Variants in CACNA1E observed in about 807,000 individuals in gnomAD.
CACNA1E encodes voltage-dependent R-type calcium channel subunit alpha-1E.
Under a neutral mutation model 259.2 loss-of-function variants are expected in CACNA1E, and 40 were observed. The ratio of observed to expected loss-of-function variants is 0.15; its 90% CI spans 0.12 to 0.20. The LOEUF (loss-of-function observed/expected upper bound fraction) is 0.20. CACNA1E is among the 10% of genes least tolerant of loss of function. The pLI, the probability that CACNA1E is intolerant of heterozygous loss-of-function variation, is 1.00. For synonymous variants in CACNA1E, 1,104 were observed against 1,138.5 expected, an observed-to-expected ratio of 0.97 and a Z score of 0.61; for missense variants, 1,874 against 3,040.1, an observed-to-expected ratio of 0.62 and a Z score of 9.02.
intron 2 of CACNA1E, among the ~76,000 whole-genome samples, chr1:181,478,255 C>G (rs1294399470): frequency 6.6e-6 from 1 of 152,200 alleles, no homozygotes; most frequent in East Asian, 1.9e-4. Context: ...TTAAAACCAA[C>G]TTTGCTGACC....
intron 1 of CACNA1E, among the ~76,000 whole-genome samples, chr1:181,493,033 T>C (rs1274073978): frequency 1.3e-5 from 2 of 152,186 alleles, no homozygotes; most frequent in Non-Finnish European, 2.9e-5. Context: ...GTTGGGACCA[T>C]TAAGTCCCTC....
rs549285302 is a variant in CACNA1E at position 181,792,642 on chromosome 1, T to TG, written c.5899-1018dup. Among the ~76,000 whole-genome samples, 432 of 150,958 alleles carry TG rather than the reference T, an allele frequency of 2.9e-3. 4 individuals are homozygous for TG. The highest frequency in any genetic ancestry group is 0.01 in the African/African-American group (411 of 40,986). Reference sequence around the variant, plus strand: ...AGCCAAATGGTCACATAGGCTAAGGTGGGGGTCCCAGACACTCTTTCCTTT... The same window carrying TG: ...AGCCAAATGGTCACATAGGCTAAGGTGGGGGGTCCCAGACACTCTTTCCTTT... On this transcript the variant is annotated intron_variant, in intron 44 of 47. Transcript: ENST00000367573.
At chr1:181,717,691 G>A (rs1654033003) in intron 11 of CACNA1E, among the ~76,000 whole-genome samples, 1 of 152,098 alleles carries the variant, frequency 6.6e-6, no homozygotes, top group South Asian at 2.1e-4. Flanking sequence ...AGATTAGACT[G>A]CCACTGGGTG....
chr1:181,735,059 C>T (rs113663898), intron 21 of CACNA1E, among the ~76,000 whole-genome samples: 72 of 152,268 alleles, frequency 4.7e-4, no homozygotes, highest in Non-Finnish European at 9.6e-4. Flanking sequence ...AATCTTTTCC[C>T]TCCCTGTTTT....
At chr1:181,482,608 G>T (rs1049771123), upstream of CACNA1E, among the ~76,000 whole-genome samples, 2 of 151,764 alleles carry the variant, frequency 1.3e-5, no homozygotes, top group African/African-American at 4.9e-5. Context: ...GCTCTTGCGC[G>T]CCTCGCTGCG....
At chr1:181,700,091 G>C (rs529553361) in intron 7 of CACNA1E, among the ~76,000 whole-genome samples, 1 of 152,162 alleles carries the variant, frequency 6.6e-6, no homozygotes, top group Non-Finnish European at 1.5e-5. Flanking sequence ...TTTTAGAAGA[G>C]AGGACCTATG....
At chr1:181,550,798 C>T (rs564910000) in intron 3 of CACNA1E, among the ~76,000 whole-genome samples, 29 of 151,944 alleles carry the variant, frequency 1.9e-4, no homozygotes, top group African/African-American at 6.5e-4. Flanking sequence ...ATGTAAAGTC[C>T]CTTGTCAGAT....
rs759011987 is a variant in CACNA1E at position 181,796,702 on chromosome 1, G to A, written c.6243G>A (p.Arg2081=). The change falls in exon 47 of 48, where the codon AGG becomes AGA. Residue 2081 remains arginine (R), a synonymous_variant. Transcript: ENST00000367573. ...CTGACACTCACCGCTCAGGGGGCAG[G>A]GAGCGGGGACGATCAAAAGAGCGAA... The part of the protein sequence containing the change: ...HKSDTHRSGG[R]ERGRSKERKH... 4 of 1,607,550 alleles carry A rather than the reference G, an allele frequency of 2.5e-6. No homozygotes were observed. The highest frequency in any genetic ancestry group is 1.3e-5 in the African/African-American group (1 of 74,814).
At chr1:181,579,332 C>T (rs1651288517) in intron 5 of CACNA1E, 108 bp downstream of exon 5, 1 of 880,758 alleles carries the variant, frequency 1.1e-6, no homozygotes, top group Non-Finnish European at 1.7e-6. Flanking sequence ...TATTCTGACC[C>T]TGGAATTAGA....
At chr1:181,573,809 A>G (rs1013139867) in intron 3 of CACNA1E, among the ~76,000 whole-genome samples, 1 of 152,260 alleles carries the variant, frequency 6.6e-6, no homozygotes, top group Non-Finnish European at 1.5e-5. Flanking sequence ...TCATTCTGTT[A>G]TCAAGATACA....
intron 7 of CACNA1E, among the ~76,000 whole-genome samples, chr1:181,683,654 T>C (rs1189832038): frequency 1.3e-5 from 2 of 152,194 alleles, no homozygotes; most frequent in African/African-American, 4.8e-5. Flanking sequence ...GTGTACTCAA[T>C]GTTTAGTTCC....
rs906199458 is a variant in CACNA1E, at chr1:181,485,690, T to G, written c.266+1680T>G. Among the ~76,000 whole-genome samples the G allele has an allele frequency of 6.6e-6, 1 of 152,228 alleles. No homozygotes were observed. The highest frequency in any genetic ancestry group is 2.4e-5 in the African/African-American group (1 of 41,452). On this transcript the variant is annotated intron_variant, in intron 1 of 47. Transcript: ENST00000367573. This position sits in a 1 kb window ranked among gnomAD's most constrained non-coding sequence, Gnocchi z 4.2. The stretch of plus-strand genomic sequence containing the variant: ...GGACAGATCTCATTGTGTTGTGTGC[T>G]GCGGCTGCAAATATTCCTCTAGGCA...
intron 13 of CACNA1E, 105 bp downstream of exon 13, chr1:181,719,968 T>A: frequency 1.3e-6 from 1 of 775,376 alleles, no homozygotes; most frequent in East Asian, 2.7e-5. Context: ...GGGGAAAGTA[T>A]CCCTTCCCTG....
chr1:181,793,506 G>A (rs528844714), intron 44 of CACNA1E, among the ~76,000 whole-genome samples, 159 bp from the exon 45 acceptor site: 1 of 152,168 alleles, frequency 6.6e-6, no homozygotes, highest in Admixed American at 6.5e-5. Context: ...GCACATAGGT[G>A]CACATAAACA....
At chr1:181,703,392 TCACAC>T (rs1002038927) in intron 7 of CACNA1E, among the ~76,000 whole-genome samples, 2 of 152,198 alleles carry the variant, frequency 1.3e-5, no homozygotes, top group Non-Finnish European at 2.9e-5. Context: ...TTGCCCCAGA[TCACAC>T]CACGATGGAG....
intron 6 of CACNA1E, among the ~76,000 whole-genome samples, chr1:181,627,265 G>T (rs983936538): frequency 3.9e-5 from 6 of 152,162 alleles, no homozygotes; most frequent in African/African-American, 1.4e-4. Flanking sequence ...ACTGATTCAA[G>T]AAGGAGAGCT....
chr1:181,730,183 G>A (rs1655333950), intron 18 of CACNA1E, among the ~76,000 whole-genome samples: 1 of 152,198 alleles, frequency 6.6e-6, no homozygotes, highest in Non-Finnish European at 1.5e-5. Context: ...CAGTTGAGGG[G>A]GATTAATTTG....
intron 9 of CACNA1E, 92 bp downstream of exon 9, chr1:181,715,483 A>G: frequency 1.4e-6 from 1 of 722,050 alleles, no homozygotes. Flanking sequence ...AAAGAAATGA[A>G]AGATGGTGTT....
chr1:181,334,943 C>T (rs1335809872), intron 1 of CACNA1E, among the ~76,000 whole-genome samples: 1 of 152,196 alleles, frequency 6.6e-6, no homozygotes, highest in East Asian at 1.9e-4. Flanking sequence ...CCTGGACTGT[C>T]CACAGCTCTC....
Sources: gnomAD v4.1 joint callset for allele counts (sites outside exome capture counted in the v4.1 genomes callset) on GRCh38, gnomAD v4.1.1 for gene constraint, Gnocchi (gnomAD v3.1) non-coding constraint, MANE v1.5 for transcripts, NCBI Gene and HGNC (gene_info 2026-07-23, HGNC 2026-07-21) for gene names.